The following COG5 variants were observed in gnomAD, a reference collection of about 807,000 sequenced individuals.
COG5 encodes the protein conserved oligomeric Golgi complex subunit 5.
In COG5, 86 loss-of-function variants were observed where a neutral mutation model predicts 110.4. The observed-to-expected ratio is 0.78, with a 90% confidence interval of 0.65 to 0.93. The LOEUF (loss-of-function observed/expected upper bound fraction) is 0.93, where lower values mean the gene tolerates loss of function less well. COG5 is among the 40% of genes least tolerant of loss of function. The pLI, the probability that COG5 is intolerant of heterozygous loss-of-function variation, is 0.00. For missense variants in COG5, 1,077 were observed against 987.0 expected (o/e 1.09, Z -1.22); for synonymous variants, 360 against 334.6 (o/e 1.08, Z -0.83).
intron 14 of COG5, among the ~76,000 whole-genome samples, chr7:107,277,529 C>T (rs550249564): frequency 2.0e-5 from 3 of 152,308 alleles, no homozygotes; most frequent in East Asian, 1.9e-4. Context: ...AGTGCCAACA[C>T]CTGCTCCCAG....
chr7:107,367,988 A>T (rs1401449951), intron 8 of COG5, among the ~76,000 whole-genome samples: 1 of 152,178 alleles, frequency 6.6e-6, no homozygotes, highest in Non-Finnish European at 1.5e-5. Context: ...AAAATAATTT[A>T]AAAATAGAAT....
Position 107,201,414 on chromosome 7 carries a change from G to T in COG5, c.*2102C>A. On this transcript the variant is annotated 3_prime_UTR_variant, in exon 22 of 22. Transcript: ENST00000297135. ...ACTGAGTTTAATTTTATTTCCACAGGGCTCACAACAACATTAAACCAGGAT... is the reference window on the plus strand; with the variant it reads ...ACTGAGTTTAATTTTATTTCCACAGTGCTCACAACAACATTAAACCAGGAT... The T allele has an allele frequency of 1.3e-6, 2 of 1,570,500 alleles. No individual in the cohort carries two copies. Among genetic ancestry groups the T allele is most frequent in the South Asian group, 1.1e-5 (1 of 89,542 alleles).
At chr7:107,225,424 T>TA (rs1275745428) in intron 19 of COG5, among the ~76,000 whole-genome samples, 4 of 152,010 alleles carry the variant, frequency 2.6e-5, no homozygotes, top group Non-Finnish European at 5.9e-5. Flanking sequence ...ATAAAAACCC[T>TA]AAAAAAAACC....
chr7:107,504,421 G>C (rs1798834593), intron 6 of COG5, among the ~76,000 whole-genome samples: 1 of 152,052 alleles, frequency 6.6e-6, no homozygotes, highest in Admixed American at 6.6e-5. Flanking sequence ...GAAAATTTTT[G>C]CATCAATGTT....
intron 10 of COG5, among the ~76,000 whole-genome samples, chr7:107,347,426 T>A (rs566647458): frequency 1.2e-4 from 19 of 152,190 alleles, no homozygotes. Context: ...TAGGCATTCA[T>A]AGATTATTTT....
rs1296596701 is a variant in COG5 at position 107,202,106 on chromosome 7, A to AAAGTT, written c.*1405_*1409dup. 6.5e-5 allele frequency: 10 copies of AAAGTT among 152,706 alleles called. No homozygotes were observed. The highest frequency in any genetic ancestry group is 1.5e-5 in the Non-Finnish European group (1 of 68,050). 9.5% of individuals were successfully genotyped at this position (152,706 alleles called of 1,614,324 possible). Reference sequence around the variant, plus strand: ...ATGGAGACCTAGCCCAGGCCAAGGTAAAGTTAGTTAATAGCATTGGGATAT... The same window carrying AAAGTT: ...ATGGAGACCTAGCCCAGGCCAAGGTAAAGTTAAGTTAGTTAATAGCATTGGGATAT... On this transcript the variant is annotated 3_prime_UTR_variant, in exon 22 of 22. Coordinates refer to ENST00000297135, the MANE Select transcript of COG5 (RefSeq NM_006348.5).
chr7:107,374,105 T>C (rs1253514094), intron 7 of COG5, among the ~76,000 whole-genome samples: 2 of 152,128 alleles, frequency 1.3e-5, no homozygotes, highest in African/African-American at 4.8e-5. Flanking sequence ...CTTAATTTAG[T>C]ATGGTCATAA....
At chr7:107,362,001 A>C in intron 10 of COG5, 32 bp downstream of exon 10, 1 of 1,422,738 alleles carries the variant, frequency 7.0e-7, no homozygotes, top group African/African-American at 1.4e-5. Context: ...TTTGTACAAG[A>C]AAGATGTAAA....
chr7:107,318,807 T>A (rs185109736), intron 11 of COG5, among the ~76,000 whole-genome samples: 2 of 152,282 alleles, frequency 1.3e-5, no homozygotes, highest in East Asian at 1.9e-4. Context: ...AAACGCCCTA[T>A]CTCCAAATAC....
At chr7:107,537,393 G>A (rs763680106) in intron 5 of COG5, among the ~76,000 whole-genome samples, 7 of 152,190 alleles carry the variant, frequency 4.6e-5, no homozygotes, top group African/African-American at 1.2e-4. Flanking sequence ...TATACACCAC[G>A]GAATACTATG....
At chr7:107,391,186 C>A (rs893909565) in intron 7 of COG5, among the ~76,000 whole-genome samples, 1 of 151,964 alleles carries the variant, frequency 6.6e-6, no homozygotes, top group East Asian at 1.9e-4. Flanking sequence ...AATAAATGCC[C>A]GGAAGGCCAG....
chr7:107,220,920 C>T (rs1312084914), intron 19 of COG5, among the ~76,000 whole-genome samples: 2 of 150,474 alleles, frequency 1.3e-5, no homozygotes, highest in African/African-American at 2.5e-5. Flanking sequence ...CAGGTTCAAG[C>T]GATTCTCCTG....
chr7:107,453,096 T>A (rs1447084941), intron 6 of COG5, among the ~76,000 whole-genome samples: 2 of 152,220 alleles, frequency 1.3e-5, no homozygotes, highest in African/African-American at 4.8e-5. Context: ...TATACCGTTT[T>A]GGACACACAG....
intron 3 of COG5, among the ~76,000 whole-genome samples, chr7:107,550,724 G>T (rs1384213601): frequency 1.3e-5 from 2 of 152,020 alleles, no homozygotes; most frequent in Non-Finnish European, 2.9e-5. Flanking sequence ...TCTGTTTTCT[G>T]AGATACAGTC....
At chr7:107,424,648 C>T (rs930245206) in intron 6 of COG5, among the ~76,000 whole-genome samples, 1 of 151,962 alleles carries the variant, frequency 6.6e-6, no homozygotes, top group Non-Finnish European at 1.5e-5. Flanking sequence ...CTATTTCAAA[C>T]AGCCATTAAA....
At chr7:107,420,358 G>A (rs867415396) in intron 6 of COG5, among the ~76,000 whole-genome samples, 8 of 152,194 alleles carry the variant, frequency 5.3e-5, no homozygotes, top group Middle Eastern at 3.2e-3. Context: ...TTTCATAATA[G>A]GGTATTATTC....
chr7:107,324,165 A>C (rs748126666), intron 11 of COG5, among the ~76,000 whole-genome samples: 1 of 152,176 alleles, frequency 6.6e-6, no homozygotes, highest in Non-Finnish European at 1.5e-5. Context: ...AAATTCAGAC[A>C]GAGTTCTTCT....
chr7:107,337,386 C>T (rs926258239), intron 10 of COG5, among the ~76,000 whole-genome samples: 8 of 152,120 alleles, frequency 5.3e-5, no homozygotes, highest in Non-Finnish European at 1.2e-4. Flanking sequence ...TGAAATCAAC[C>T]TAAGCGTCCA....
intron 7 of COG5, among the ~76,000 whole-genome samples, chr7:107,398,358 G>A (rs1456122068): frequency 6.6e-6 from 1 of 152,206 alleles, no homozygotes; most frequent in Non-Finnish European, 1.5e-5. Context: ...GTGGCTGTTA[G>A]GAACTGGGCC....
Sources: gnomAD v4.1 joint callset for allele counts (sites outside exome capture counted in the v4.1 genomes callset) on GRCh38, gnomAD v4.1.1 for gene constraint, MANE v1.5 for transcripts, NCBI Gene and HGNC (gene_info 2026-07-23, HGNC 2026-07-21) for gene names.